The following FANCC variants were observed in gnomAD, a reference collection of about 807,000 sequenced individuals.
FANCC encodes the protein Fanconi anemia group C protein.
In FANCC, 55 loss-of-function variants were observed where a neutral mutation model predicts 71.3. That is an observed-to-expected ratio of 0.77 (90% CI 0.62 to 0.97). The LOEUF is 0.97. FANCC is among the 50% of genes least tolerant of loss of function. The probability of loss-of-function intolerance (pLI) is 0.00; values close to 1 mark genes in which losing one functional copy is unlikely to be tolerated. For missense variants in FANCC, 678 were observed against 670.9 expected, an observed-to-expected ratio of 1.01 and a Z score of -0.12; for synonymous variants, 275 against 244.9, an observed-to-expected ratio of 1.12 and a Z score of -1.15.
intron 4 of FANCC, among the ~76,000 whole-genome samples, chr9:95,187,163 AAGTG>A (rs1826779334): frequency 6.6e-6 from 1 of 152,200 alleles, no homozygotes; most frequent in South Asian, 2.1e-4. Context: ...AAGTTCACAG[AAGTG>A]AGTGAGGCAC....
chr9:95,180,124 A>G (rs941419229), intron 4 of FANCC, among the ~76,000 whole-genome samples: 8 of 152,182 alleles, frequency 5.3e-5, no homozygotes, highest in African/African-American at 1.9e-4. Context: ...TTTAAATATT[A>G]AAGAGAAAAA....
intron 1 of FANCC, among the ~76,000 whole-genome samples, chr9:95,257,766 A>G (rs1290884432): frequency 6.6e-6 from 1 of 152,214 alleles, no homozygotes; most frequent in Non-Finnish European, 1.5e-5. Context: ...AAAGATTAAC[A>G]AAATAGATAG....
At position 95,293,400 on chromosome 9, in the gene FANCC, G is replaced by A. The variant is rs760923711; in HGVS notation, c.-79+24126C>T. On this transcript the variant is annotated intron_variant, in intron 1 of 14. Coordinates refer to ENST00000289081, the MANE Select transcript of FANCC (RefSeq NM_000136.3). ...CTTGTCAGTAGGAACCCTGATCCTC[G>A]GCCTAGATTCAGAGGCTTGCTCTCT... The A allele has an allele frequency of 1.0e-5, 16 of 1,579,424 alleles. No individual in the cohort carries two copies. In the East Asian group the frequency reaches 2.0e-4, roughly 20 times the overall value.
chr9:95,268,934 G>C (rs1832562988), intron 1 of FANCC, among the ~76,000 whole-genome samples: 1 of 152,202 alleles, frequency 6.6e-6, no homozygotes, highest in Admixed American at 6.5e-5. Flanking sequence ...CCGATGCTAT[G>C]CTATAGCACA....
chr9:95,172,197 T>A, intron 4 of FANCC, 50 bp from the exon 5 acceptor site: 1 of 1,181,860 alleles, frequency 8.5e-7, no homozygotes, highest in Non-Finnish European at 1.3e-6. Context: ...TAAATGCAAG[T>A]GCCTTTTATG....
At chr9:95,260,086 G>A (rs950711149) in intron 1 of FANCC, among the ~76,000 whole-genome samples, 12 of 152,226 alleles carry the variant, frequency 7.9e-5, no homozygotes, top group Admixed American at 3.9e-4. Context: ...CTTTTACCCT[G>A]TTGGTGGGAG....
intron 4 of FANCC, among the ~76,000 whole-genome samples, chr9:95,226,200 C>G (rs1020119210): frequency 6.6e-6 from 1 of 152,212 alleles, no homozygotes; most frequent in African/African-American, 2.4e-5. Context: ...ACCACCAATT[C>G]TGCTACCCTA....
At chr9:95,238,749 TAG>T (rs1430065064) in intron 4 of FANCC, among the ~76,000 whole-genome samples, 1 of 152,068 alleles carries the variant, frequency 6.6e-6, no homozygotes, top group East Asian at 1.9e-4. Context: ...GTATTTTTAG[TAG>T]AGACAAGGTT....
At chr9:95,199,544 G>T (rs566337788) in intron 4 of FANCC, among the ~76,000 whole-genome samples, 12 of 152,136 alleles carry the variant, frequency 7.9e-5, no homozygotes, top group Non-Finnish European at 1.3e-4. Flanking sequence ...GTGGTCTCTC[G>T]GTCTAAGGAA....
chr9:95,201,594 T>C (rs1827809669), intron 4 of FANCC, among the ~76,000 whole-genome samples: 2 of 152,294 alleles, frequency 1.3e-5, no homozygotes, highest in East Asian at 1.9e-4. Flanking sequence ...GATTTCCTTT[T>C]TCAGTGAAAA....
At chr9:95,102,877 C>CG (rs2071169753) in intron 14 of FANCC, among the ~76,000 whole-genome samples, 1 of 152,230 alleles carries the variant, frequency 6.6e-6, no homozygotes, top group South Asian at 2.1e-4. Context: ...CTCGGCCCCC[C>CG]CTGGCAGCAC....
intron 2 of FANCC, among the ~76,000 whole-genome samples, chr9:95,248,797 A>G (rs984710550): frequency 6.6e-6 from 1 of 152,186 alleles, no homozygotes; most frequent in African/African-American, 2.4e-5. Context: ...AGGGTTAAGC[A>G]TGTAGCAAAT....
intron 1 of FANCC, among the ~76,000 whole-genome samples, chr9:95,283,169 A>C (rs1833470806): frequency 6.6e-6 from 1 of 152,160 alleles, no homozygotes; most frequent in Non-Finnish European, 1.5e-5. Flanking sequence ...TACAGCCTCA[A>C]ACTCGTGGGC....
chr9:95,316,386 C>T (rs748101469), intron 1 of FANCC, among the ~76,000 whole-genome samples: 48 of 152,150 alleles, frequency 3.2e-4, no homozygotes, highest in Non-Finnish European at 4.0e-4. Flanking sequence ...TGAATGATCT[C>T]AACACATGGT....
intron 6 of FANCC, among the ~76,000 whole-genome samples, chr9:95,153,477 G>A (rs1830293717): frequency 6.6e-6 from 1 of 152,166 alleles, no homozygotes; most frequent in South Asian, 2.1e-4. Flanking sequence ...AGGTATAAGT[G>A]TTCTCTTTTC....
At chr9:95,112,246 G>C (rs1247382566) in intron 12 of FANCC, among the ~76,000 whole-genome samples, 1 of 152,218 alleles carries the variant, frequency 6.6e-6, no homozygotes. Flanking sequence ...GTGCAGTGCC[G>C]GTCTCAGCAG....
At chr9:95,244,908 C>T (rs770183337) in intron 3 of FANCC, among the ~76,000 whole-genome samples, 1 of 151,862 alleles carries the variant, frequency 6.6e-6, no homozygotes, top group Non-Finnish European at 1.5e-5. Context: ...GGGAAAGCGA[C>T]TTATTGACTC....
intron 4 of FANCC, among the ~76,000 whole-genome samples, chr9:95,198,378 T>C (rs558632512): frequency 6.6e-6 from 1 of 152,254 alleles, no homozygotes; most frequent in Non-Finnish European, 1.5e-5. Flanking sequence ...TTCCACTGTA[T>C]CATCATGTAT....
At chr9:95,130,370 T>C (rs1826716368) in intron 8 of FANCC, among the ~76,000 whole-genome samples, 1 of 152,086 alleles carries the variant, frequency 6.6e-6, no homozygotes, top group Non-Finnish European at 1.5e-5. Flanking sequence ...AGGGAAATTA[T>C]ACTATGATTT....
Sources: allele counts gnomAD v4.1 joint callset (sites outside exome capture counted in the v4.1 genomes callset), GRCh38; gene constraint gnomAD v4.1.1; transcripts MANE v1.5; gene names NCBI Gene and HGNC (gene_info 2026-07-23, HGNC 2026-07-21).